NKAIN3: variants seen among roughly 807,000 people sequenced by gnomAD.
The protein encoded by NKAIN3 is sodium/potassium-transporting ATPase subunit beta-1-interacting protein 3.
Under a neutral mutation model 30.2 loss-of-function variants are expected in NKAIN3, and 25 were observed. The observed-to-expected ratio is 0.83, with a 90% confidence interval of 0.60 to 1.16. The LOEUF (loss-of-function observed/expected upper bound fraction) is 1.16. Among genes scored for constraint, NKAIN3 ranks in the 50% most tolerant of loss-of-function variants. The pLI, the probability that NKAIN3 is intolerant of heterozygous loss-of-function variation, is 0.00. For missense variants in NKAIN3, 225 were observed against 254.1 expected (o/e 0.89, Z 0.78); for synonymous variants, 91 against 89.6 (o/e 1.02, Z -0.09).
At chr8:62,402,583 C>T (rs1803914997) in intron 1 of NKAIN3, among the ~76,000 whole-genome samples, 1 of 152,172 alleles carries the variant, frequency 6.6e-6, no homozygotes, top group African/African-American at 2.4e-5. Context: ...TTATAAGAGG[C>T]TTTTCCCTTT....
intron 4 of NKAIN3, among the ~76,000 whole-genome samples, chr8:62,818,186 A>T (rs1450038864): frequency 3.9e-5 from 6 of 152,144 alleles, no homozygotes; most frequent in Admixed American, 3.9e-4. Context: ...GTATTGTACC[A>T]ATATCAATTC....
chr8:62,849,929 C>T (rs983259783), intron 4 of NKAIN3, among the ~76,000 whole-genome samples: 1 of 152,014 alleles, frequency 6.6e-6, no homozygotes, highest in Non-Finnish European at 1.5e-5. Flanking sequence ...GTGCATGTGT[C>T]TTTATAGCAG....
chr8:62,690,343 A>G (rs550797271), intron 3 of NKAIN3, among the ~76,000 whole-genome samples: 1 of 152,310 alleles, frequency 6.6e-6, no homozygotes, highest in African/African-American at 2.4e-5. Flanking sequence ...AGCAGCTACC[A>G]TGCCAGGGCC....
intron 1 of NKAIN3, among the ~76,000 whole-genome samples, chr8:62,468,795 G>A (rs1806237686): frequency 6.6e-6 from 1 of 152,046 alleles, no homozygotes; most frequent in African/African-American, 2.4e-5. Flanking sequence ...TTCTGGGTAA[G>A]ATTTCTGGAA....
intron 1 of NKAIN3, among the ~76,000 whole-genome samples, chr8:62,332,365 A>G (rs55838804): frequency 0.033 from 5,038 of 152,250 alleles, 311 homozygotes; most frequent in African/African-American, 0.11. Context: ...AAAAGTCATC[A>G]TCAGAAAGAC....
intron 3 of NKAIN3, among the ~76,000 whole-genome samples, chr8:62,615,308 G>A (rs1217048999): frequency 2.0e-5 from 3 of 152,132 alleles, no homozygotes. Context: ...ACTCTGCCCA[G>A]TGCCCTATCC....
intron 1 of NKAIN3, among the ~76,000 whole-genome samples, chr8:62,309,521 A>G (rs964571815): frequency 3.3e-5 from 5 of 150,526 alleles, no homozygotes; most frequent in African/African-American, 1.3e-4. Context: ...CTGATAGTTA[A>G]CAGGTTCTAA....
At chr8:62,281,895 GA>G (rs1813207587) in intron 1 of NKAIN3, among the ~76,000 whole-genome samples, 1 of 151,986 alleles carries the variant, frequency 6.6e-6, no homozygotes. Context: ...AATATCACAG[GA>G]AGGACAAAAA....
At chr8:62,962,353 C>T (rs1823591424) in intron 6 of NKAIN3, among the ~76,000 whole-genome samples, 1 of 152,084 alleles carries the variant, frequency 6.6e-6, no homozygotes, top group African/African-American at 2.4e-5. Flanking sequence ...ACATATAAGG[C>T]ATAATTTCAA....
At chr8:62,792,215 C>T (rs1332444436) in intron 4 of NKAIN3, among the ~76,000 whole-genome samples, 5 of 152,122 alleles carry the variant, frequency 3.3e-5, no homozygotes, top group African/African-American at 4.8e-5. Context: ...AAGCTTGGAA[C>T]AGTACCTGAA....
At chr8:62,306,215 G>A (rs1056135613) in intron 1 of NKAIN3, among the ~76,000 whole-genome samples, 1 of 149,492 alleles carries the variant, frequency 6.7e-6, no homozygotes, top group African/African-American at 2.5e-5. Context: ...ACACTTTTTT[G>A]TATTAAATTT....
intron 3 of NKAIN3, among the ~76,000 whole-genome samples, chr8:62,729,682 A>T (rs888916804): frequency 2.0e-5 from 3 of 152,136 alleles, no homozygotes; most frequent in African/African-American, 7.2e-5. Flanking sequence ...TTTTTCTATA[A>T]GTTGTTTTTG....
intron 1 of NKAIN3, among the ~76,000 whole-genome samples, chr8:62,358,861 A>C (rs1816442130): frequency 1.3e-5 from 2 of 152,214 alleles, no homozygotes; most frequent in South Asian, 4.1e-4. Context: ...TTTCTGGTGA[A>C]TATTCTATTT....
chr8:62,953,045 T>C (rs1160461310), intron 5 of NKAIN3, among the ~76,000 whole-genome samples: 1 of 152,150 alleles, frequency 6.6e-6, no homozygotes, highest in South Asian at 2.1e-4. Context: ...CTACTCTGTA[T>C]GGAGGCAAAA....
intron 1 of NKAIN3, among the ~76,000 whole-genome samples, chr8:62,511,642 C>T (rs151189861): frequency 2.0e-4 from 30 of 152,302 alleles, no homozygotes; most frequent in African/African-American, 7.2e-4. Flanking sequence ...CCTTGATGTA[C>T]ATTTGTCTCC....
chr8:62,582,330 C>T (rs1480935787), intron 2 of NKAIN3, among the ~76,000 whole-genome samples: 1 of 152,126 alleles, frequency 6.6e-6, no homozygotes, highest in Non-Finnish European at 1.5e-5. Flanking sequence ...GACACATTCT[C>T]TGTCTTCCTG....
chr8:62,606,037 C>T (rs1007671829), intron 3 of NKAIN3, among the ~76,000 whole-genome samples: 1 of 152,096 alleles, frequency 6.6e-6, no homozygotes, highest in Non-Finnish European at 1.5e-5. Context: ...CTGTAATTGA[C>T]CTACCTTCAG....
chr8:62,619,712 A>AAG (rs1189520644), intron 3 of NKAIN3, among the ~76,000 whole-genome samples: 1 of 151,508 alleles, frequency 6.6e-6, no homozygotes, highest in Admixed American at 6.6e-5. Flanking sequence ...AAAAAAAAAA[A>AAG]GGCTGGAAAT....
At chr8:62,959,175 GC>G (rs1329920274) in intron 6 of NKAIN3, among the ~76,000 whole-genome samples, 1 of 152,130 alleles carries the variant, frequency 6.6e-6, no homozygotes, top group Non-Finnish European at 1.5e-5. Flanking sequence ...GACAGCCAAG[GC>G]CAATCCCTAT....
Sources: allele counts gnomAD v4.1 joint callset (sites outside exome capture counted in the v4.1 genomes callset), GRCh38; gene constraint gnomAD v4.1.1; transcripts MANE v1.5; gene names NCBI Gene and HGNC (gene_info 2026-07-23, HGNC 2026-07-21).